Variants in ADPRM observed in about 807,000 individuals in gnomAD.
ADPRM encodes manganese-dependent ADP-ribose/CDP-alcohol diphosphatase.
ADPRM carries 17 observed loss-of-function variants against 27.2 expected under a neutral mutation model. That is an observed-to-expected ratio of 0.63 (90% CI 0.43 to 0.94). ADPRM has a LOEUF of 0.94. ADPRM is among the 40% of genes least tolerant of loss of function. The pLI is 0.00. For synonymous variants in ADPRM, 135 were observed against 145.3 expected (o/e 0.93, Z 0.51); for missense variants, 337 against 412.8 (o/e 0.82, Z 1.59).
intron 3 of ADPRM, among the ~76,000 whole-genome samples, chr17:10,708,475 G>T (rs189184274): frequency 6.9e-6 from 1 of 144,014 alleles, no homozygotes; most frequent in East Asian, 2.1e-4. Flanking sequence ...AGGCTATTCA[G>T]ATAGTTGATT....
In ADPRM at chr17:10,707,442, A is replaced by G. The variant is rs373408422; in HGVS notation, c.718+888A>G. 1.2e-4 allele frequency among the ~76,000 whole-genome samples: 18 copies of G among 152,330 alleles called. No individual in the cohort carries two copies. In the South Asian group the frequency reaches 3.3e-3, roughly 28 times the overall value. On this transcript the variant is annotated intron_variant, in intron 3 of 3. Coordinates refer to ENST00000379774, the MANE Select transcript of ADPRM (RefSeq NM_020233.5). ...AACAAAAAACACCAAGCTGAATTCT[A>G]AAGTGTGGAATCCAGGTTGCAATCA...
chr17:10,710,702 TG>T, intron 3 of ADPRM, 131 bp from the exon 4 acceptor site: 2 of 750,416 alleles, frequency 2.7e-6, no homozygotes, highest in Non-Finnish European at 4.2e-6. Flanking sequence ...GAATTCTCTC[TG>T]GTCTCAGTTC....
chr17:10,704,806 C>T (rs949046716), intron 1 of ADPRM, 104 bp from the exon 2 acceptor site: 7 of 989,876 alleles, frequency 7.1e-6, no homozygotes, highest in Non-Finnish European at 1.0e-5. Flanking sequence ...CTGTACCAAG[C>T]TGCCTAATGA....
intron 3 of ADPRM, among the ~76,000 whole-genome samples, chr17:10,708,283 G>A (rs923877918): frequency 2.6e-5 from 4 of 151,730 alleles, no homozygotes; most frequent in Non-Finnish European, 5.9e-5. Context: ...ACAAAAATTA[G>A]CCGGGCGTGG....
Position 10,702,729 on chromosome 17 carries a change from A to G in ADPRM, c.-17-2181A>G, listed in dbSNP as rs1174507317. 6.6e-6 allele frequency among the ~76,000 whole-genome samples: 1 copy of G among 152,180 alleles called. No homozygotes were observed. The highest frequency in any genetic ancestry group is 1.5e-5 in the Non-Finnish European group (1 of 68,034). On this transcript the variant is annotated intron_variant, in intron 1 of 3. Coordinates refer to ENST00000379774, the MANE Select transcript of ADPRM (RefSeq NM_020233.5). The surrounding 1 kb of genome is among the most constrained non-coding windows in gnomAD (Gnocchi z 4.2). ...GGTTTTTACGGGCCAGGTCTGGGCCATGTGTCTGCTATTTCACTTCCCCAG... is the reference window on the plus strand; with the variant it reads ...GGTTTTTACGGGCCAGGTCTGGGCCGTGTGTCTGCTATTTCACTTCCCCAG...
Position 10,705,631 on chromosome 17 carries a change from C to T in ADPRM, c.601+104C>T, listed in dbSNP as rs2074807941. On this transcript the variant is annotated intron_variant, in intron 2 of 3. Transcript: ENST00000379774. This position sits in a 1 kb window ranked among gnomAD's most constrained non-coding sequence, Gnocchi z 5.4. ...GACAATTAAGGTAAAAGTATATTGT[C>T]ACTTGTTCAGGGTCAGGATTTCTCA... is the stretch of plus-strand genomic sequence containing the variant. 1 of 1,472,218 alleles carries T rather than the reference C, an allele frequency of 6.8e-7. No individual in the cohort carries two copies. Among genetic ancestry groups the T allele is most frequent in the African/African-American group, 1.4e-5 (1 of 71,086 alleles). The allele number at this position is 1,472,218 out of a possible 1,614,324, so 91.2% of individuals were successfully genotyped here. A position where few individuals can be genotyped will look rare whatever the true frequency, so the allele number is the denominator to read the frequency against.
intron 3 of ADPRM, among the ~76,000 whole-genome samples, chr17:10,709,202 T>A (rs1185886594): frequency 6.6e-6 from 1 of 152,184 alleles, no homozygotes; most frequent in Non-Finnish European, 1.5e-5. Context: ...CACTGCAGGA[T>A]GAGAAGTGCG....
intron 3 of ADPRM, among the ~76,000 whole-genome samples, chr17:10,707,442 A>T (rs373408422): frequency 6.6e-6 from 1 of 152,212 alleles, no homozygotes; most frequent in Non-Finnish European, 1.5e-5. Flanking sequence ...GCTGAATTCT[A>T]AAGTGTGGAA....
rs936339998 is a variant in ADPRM, at chr17:10,705,162, A to T, written c.236A>T (p.Tyr79Phe). ...VLQLGDIIDG[Y>F]NAQYNASKKS... ...CAGCTTGGAGATATCATCGATGGAT[A>T]TAATGCACAGTATAATGCATCCAAA... is the stretch of plus-strand genomic sequence containing the variant. The change falls in exon 2 of 4, where the codon TAT becomes TTT. Residue 79 changes from tyrosine (Y) to phenylalanine (F), a missense_variant. Transcript: ENST00000379774. The surrounding 1 kb of genome is among the most constrained non-coding windows in gnomAD (Gnocchi z 5.4). 19 of 1,614,052 alleles carry T rather than the reference A, an allele frequency of 1.2e-5. No homozygotes were observed. The highest frequency in any genetic ancestry group is 1.7e-5 in the Admixed American group (1 of 60,002).
chr17:10,706,508 A>G lies in ADPRM; in HGVS notation c.672A>G (p.Glu224=), dbSNP rs1210990701. The G allele has an allele frequency of 6.3e-7, 1 of 1,597,600 alleles. No individual in the cohort carries two copies. The highest frequency in any genetic ancestry group is 1.4e-5 in the African/African-American group (1 of 73,990). ...FSQEQLNWLN[E]VLTFSDTNQE... is the part of the protein sequence containing the mutation. ...AAGAACAGCTAAACTGGTTGAATGA[A>G]GTGCTAACATTCTCTGACACAAACC... Residue 224 remains glutamate (E), a synonymous_variant, in exon 3 of 4, where the codon GAA becomes GAG. Coordinates refer to ENST00000379774, the MANE Select transcript of ADPRM (RefSeq NM_020233.5).
Position 10,702,828 on chromosome 17 carries a change from G to C in ADPRM, c.-17-2082G>C, listed in dbSNP as rs901807795. 7.9e-5 allele frequency among the ~76,000 whole-genome samples: 12 copies of C among 152,168 alleles called. No homozygotes were observed. Among genetic ancestry groups the C allele is most frequent in the Admixed American group, 6.5e-4 (10 of 15,284 alleles). On this transcript the variant is annotated intron_variant, in intron 1 of 3. Coordinates refer to ENST00000379774, the MANE Select transcript of ADPRM (RefSeq NM_020233.5). The surrounding 1 kb of genome is among the most constrained non-coding windows in gnomAD (Gnocchi z 4.2). ...TTGGATAAATGCCTAGAGAAAAATT[G>C]GGTGCTGTCACCTTAAGAACAGGAA...
chr17:10,703,586 A>G (rs923156342), intron 1 of ADPRM, among the ~76,000 whole-genome samples: 1 of 152,164 alleles, frequency 6.6e-6, no homozygotes, highest in Non-Finnish European at 1.5e-5. Context: ...CCTTATTCCA[A>G]TTGTGGAGTT....
intron 1 of ADPRM, among the ~76,000 whole-genome samples, chr17:10,704,541 G>T (rs2074801244): frequency 6.6e-6 from 1 of 151,648 alleles, no homozygotes; most frequent in South Asian, 2.1e-4. Flanking sequence ...TGGTGTTTGT[G>T]GGACAGGGGT....
At chr17:10,706,101 G>T (rs2074810945) in intron 2 of ADPRM, among the ~76,000 whole-genome samples, 1 of 152,176 alleles carries the variant, frequency 6.6e-6, no homozygotes, top group East Asian at 1.9e-4. Flanking sequence ...TAAGACTTGA[G>T]CATTGTTGAA....
chr17:10,705,148 TATC>T lies in ADPRM; in HGVS notation c.226_228del (p.Ile76del). The T allele has an allele frequency of 6.2e-7, 1 of 1,614,128 alleles. No homozygotes were observed. The highest frequency in any genetic ancestry group is 8.5e-7 in the Non-Finnish European group (1 of 1,180,000). ...CCTGTTGTGTCCTTCAGCTTGGAGA[TATC>T]ATCGATGGATATAATGCACAGTATA... On this transcript the variant is annotated inframe_deletion, in exon 2 of 4. Transcript: ENST00000379774. The surrounding 1 kb of genome is among the most constrained non-coding windows in gnomAD (Gnocchi z 5.4).
chr17:10,709,684 C>T (rs1016673200), intron 3 of ADPRM, among the ~76,000 whole-genome samples: 11 of 150,776 alleles, frequency 7.3e-5, no homozygotes, highest in Non-Finnish European at 1.2e-4. Context: ...CGCCTTTGGA[C>T]GCTTAGCCCT....
Position 10,705,248 on chromosome 17 carries a change from T to C in ADPRM, c.322T>C (p.Trp108Arg), listed in dbSNP as rs1182755041. 1 of 1,613,984 alleles carries C rather than the reference T, an allele frequency of 6.2e-7. No individual in the cohort carries two copies. Among genetic ancestry groups the C allele is most frequent in the Non-Finnish European group, 8.5e-7 (1 of 1,180,014 alleles). ...GCTTAAAGTTCCAGTTCATCATACA[T>C]GGGGAAACCATGAATTCTATAACTT... ...KRLKVPVHHT[W>R]GNHEFYNFSR... is the part of the protein sequence containing the mutation. The change falls in exon 2 of 4, where the codon TGG becomes CGG. Residue 108 changes from tryptophan to arginine, a missense_variant. Physicochemically the swap from Trp to Arg is moderately radical, Grantham distance 101. Coordinates refer to ENST00000379774, the MANE Select transcript of ADPRM (RefSeq NM_020233.5). The surrounding 1 kb of genome is among the most constrained non-coding windows in gnomAD (Gnocchi z 5.4).
rs573939100 is a variant in ADPRM, at chr17:10,711,365, G to A, written c.*221G>A. The A allele has an allele frequency of 2.3e-5, 12 of 516,770 alleles. No homozygotes were observed. In the Admixed American group the frequency reaches 3.6e-4, roughly 15 times the overall value. The allele number at this position is 516,770 out of a possible 1,614,324, so 32.0% of individuals were successfully genotyped here. A position where few individuals can be genotyped will look rare whatever the true frequency, so the allele number is the denominator to read the frequency against. On this transcript the variant is annotated 3_prime_UTR_variant, in exon 4 of 4. Coordinates refer to ENST00000379774, the MANE Select transcript of ADPRM (RefSeq NM_020233.5). The stretch of plus-strand genomic sequence containing the variant: ...CCAGGGAGGAAACTGAGGCAGGGGT[G>A]TATAGTCCTCATAAGGGGCATATAG...
intron 1 of ADPRM, among the ~76,000 whole-genome samples, chr17:10,700,624 T>C (rs1048856690): frequency 1.3e-4 from 20 of 150,900 alleles, no homozygotes; most frequent in Non-Finnish European, 2.8e-4. Flanking sequence ...AAAAGTCAGG[T>C]GTGGTGGTAC....
Sources: allele counts gnomAD v4.1 joint callset (sites outside exome capture counted in the v4.1 genomes callset), GRCh38; gene constraint gnomAD v4.1.1; non-coding constraint Gnocchi (gnomAD v3.1); transcripts MANE v1.5; gene names NCBI Gene and HGNC (gene_info 2026-07-23, HGNC 2026-07-21).